DAP: variants seen among roughly 807,000 people sequenced by gnomAD.
The protein encoded by DAP is death-associated protein 1.
In DAP, 8 loss-of-function variants were observed where a neutral mutation model predicts 13.8. The ratio of observed to expected loss-of-function variants is 0.58; its 90% confidence interval spans 0.34 to 1.05. The LOEUF is 1.05. Ranked by LOEUF, DAP falls within the 50% of genes least tolerant of loss-of-function variation. DAP has a pLI of 0.03. For missense variants in DAP, 106 were observed against 133.2 expected (o/e 0.80, Z 1.01); for synonymous variants, 47 against 47.5 (o/e 0.99, Z 0.04).
chr5:10,730,272 G>A (rs2126665708), intron 2 of DAP, among the ~76,000 whole-genome samples: 1 of 152,350 alleles, frequency 6.6e-6, no homozygotes, highest in South Asian at 2.1e-4. Flanking sequence ...AGGGGAATAA[G>A]CAAATGCCCA....
chr5:10,738,422 G>T (rs1029388190), intron 2 of DAP, among the ~76,000 whole-genome samples: 1 of 152,320 alleles, frequency 6.6e-6, no homozygotes, highest in African/African-American at 2.4e-5. Flanking sequence ...TGGCATCACC[G>T]GCCATGAGAT....
chr5:10,689,374 C>T (rs1412688862), intron 2 of DAP, among the ~76,000 whole-genome samples: 1 of 152,164 alleles, frequency 6.6e-6, no homozygotes, highest in African/African-American at 2.4e-5. Context: ...AATGACCCTC[C>T]CCCCACAGGC....
intron 2 of DAP, among the ~76,000 whole-genome samples, chr5:10,736,463 G>C (rs533845622): frequency 3.3e-5 from 5 of 152,278 alleles, no homozygotes; most frequent in Admixed American, 6.5e-5. Flanking sequence ...TCCCTGGGCA[G>C]CCTCGCTTGC....
chr5:10,739,958 C>T (rs1739716128), intron 2 of DAP, among the ~76,000 whole-genome samples: 1 of 152,052 alleles, frequency 6.6e-6, no homozygotes, highest in Non-Finnish European at 1.5e-5. Flanking sequence ...AAAAGACCCT[C>T]GAAGAAGTGA....
intron 2 of DAP, among the ~76,000 whole-genome samples, chr5:10,710,963 T>C (rs772369488): frequency 1.3e-5 from 2 of 152,030 alleles, no homozygotes; most frequent in Non-Finnish European, 2.9e-5. Context: ...GTGGCTGAAA[T>C]GAATTTACCC....
chr5:10,738,413 G>A (rs1454496950), intron 2 of DAP, among the ~76,000 whole-genome samples: 1 of 152,204 alleles, frequency 6.6e-6, no homozygotes, highest in Admixed American at 6.5e-5. Flanking sequence ...AATCAAAGCT[G>A]GCATCACCGG....
At chr5:10,688,039 C>CAGAGT (rs1738200570) in intron 2 of DAP, among the ~76,000 whole-genome samples, 1 of 151,850 alleles carries the variant, frequency 6.6e-6, no homozygotes. Context: ...CCTCAGCCTC[C>CAGAGT]AGAGTAGCTG....
intron 2 of DAP, among the ~76,000 whole-genome samples, chr5:10,744,506 G>C (rs545304622): frequency 6.6e-6 from 1 of 152,320 alleles, no homozygotes; most frequent in South Asian, 2.1e-4. Context: ...ATGGGTTTGA[G>C]GAGCGCAGAC....
chr5:10,751,290 T>C (rs1740039692), intron 1 of DAP, among the ~76,000 whole-genome samples: 1 of 152,206 alleles, frequency 6.6e-6, no homozygotes, highest in South Asian at 2.1e-4. Flanking sequence ...AGAAAAGACC[T>C]ACCATTTGCA....
chr5:10,754,482 C>G lies in DAP; in HGVS notation c.56-6211G>C, dbSNP rs568851657. ...GGCTCTTAAATTACACGGAGCAACC[C>G]TGTTAAAGAATGAAGTTCAGAGACA... On this transcript the variant is annotated intron_variant, in intron 1 of 3. Transcript: ENST00000230895. Among the ~76,000 whole-genome samples the G allele has an allele frequency of 1.1e-4, 16 of 152,268 alleles. No homozygotes were observed. In the East Asian group the frequency reaches 2.5e-3, roughly 24 times the overall value.
At chr5:10,759,715 G>A (rs1161350173) in intron 1 of DAP, among the ~76,000 whole-genome samples, 1 of 151,014 alleles carries the variant, frequency 6.6e-6, no homozygotes, top group Non-Finnish European at 1.5e-5. Flanking sequence ...GCCCTATAGC[G>A]GAGGACAGCA....
At chr5:10,698,167 G>C (rs115534960) in intron 2 of DAP, among the ~76,000 whole-genome samples, 1,622 of 151,520 alleles carry the variant, frequency 0.011, 30 homozygotes, top group African/African-American at 0.037. Flanking sequence ...AGTGTCCTCA[G>C]TGGTCTCTGG....
At chr5:10,710,275 A>G (rs1738814510) in intron 2 of DAP, among the ~76,000 whole-genome samples, 1 of 152,222 alleles carries the variant, frequency 6.6e-6, no homozygotes, top group South Asian at 2.1e-4. Flanking sequence ...AATCCCCTGA[A>G]AAGTCCTGTA....
chr5:10,684,703 T>C (rs955146074), intron 2 of DAP, among the ~76,000 whole-genome samples: 2 of 152,240 alleles, frequency 1.3e-5, no homozygotes, highest in African/African-American at 4.8e-5. Flanking sequence ...TTATATACTC[T>C]TCTGTACACT....
intron 2 of DAP, among the ~76,000 whole-genome samples, chr5:10,689,141 A>G (rs1367003270): frequency 2.6e-5 from 4 of 151,700 alleles, no homozygotes; most frequent in Non-Finnish European, 5.9e-5. Flanking sequence ...GTGAACAGTG[A>G]TGATATGAGA....
intron 2 of DAP, among the ~76,000 whole-genome samples, chr5:10,709,566 A>G (rs1305148299): frequency 2.0e-5 from 3 of 152,186 alleles, no homozygotes; most frequent in Non-Finnish European, 2.9e-5. Context: ...GGGTTTGGCA[A>G]ATGGTTAAAC....
At chr5:10,688,974 C>A (rs1294724874) in intron 2 of DAP, among the ~76,000 whole-genome samples, 2 of 152,204 alleles carry the variant, frequency 1.3e-5, no homozygotes, top group Non-Finnish European at 2.9e-5. Context: ...CCTGTGTGCA[C>A]TGAGGACGGG....
At chr5:10,757,797 C>A (rs1233422103) in intron 1 of DAP, among the ~76,000 whole-genome samples, 4 of 152,042 alleles carry the variant, frequency 2.6e-5, no homozygotes, top group African/African-American at 9.7e-5. Flanking sequence ...AGGTGTGGGC[C>A]CGGTTTGCTA....
chr5:10,742,989 CT>C (rs1739799508), intron 2 of DAP, among the ~76,000 whole-genome samples: 1 of 151,972 alleles, frequency 6.6e-6, no homozygotes, highest in Non-Finnish European at 1.5e-5. Flanking sequence ...ACAGATACTT[CT>C]AGTTCCCATC....
Sources: gnomAD v4.1 joint callset for allele counts (sites outside exome capture counted in the v4.1 genomes callset) on GRCh38, gnomAD v4.1.1 for gene constraint, MANE v1.5 for transcripts, NCBI Gene and HGNC (gene_info 2026-07-23, HGNC 2026-07-21) for gene names.